The following ARHGEF7 variants were observed in gnomAD, a reference collection of about 807,000 sequenced individuals.
The protein encoded by ARHGEF7 is PAK-interacting exchange factor beta.
A neutral mutation model predicts 109.8 loss-of-function variants in ARHGEF7; 33 were observed. That is an observed-to-expected ratio of 0.30 (90% CI 0.23 to 0.40). The LOEUF (loss-of-function observed/expected upper bound fraction) is 0.40, where lower values mean the gene tolerates loss of function less well. ARHGEF7 is among the 10% of genes least tolerant of loss of function. The pLI is 1.00. For synonymous variants in ARHGEF7, 458 were observed against 424.6 expected (o/e 1.08, Z -0.97); for missense variants, 938 against 1,098.5 (o/e 0.85, Z 2.07).
At chr13:111,165,534 C>T (rs988203665) in intron 2 of ARHGEF7, among the ~76,000 whole-genome samples, 9 of 152,142 alleles carry the variant, frequency 5.9e-5, no homozygotes, top group Admixed American at 4.6e-4. Context: ...TCTGTGTATT[C>T]TCTGCTACCC....
At chr13:111,160,382 A>G (rs2076652988) in intron 2 of ARHGEF7, among the ~76,000 whole-genome samples, 2 of 149,862 alleles carry the variant, frequency 1.3e-5, no homozygotes, top group African/African-American at 4.9e-5. Context: ...GTTTTTCTAT[A>G]TCTGTGAAGA....
intron 2 of ARHGEF7, among the ~76,000 whole-genome samples, chr13:111,164,239 G>A (rs1443565104): frequency 2.6e-5 from 4 of 152,224 alleles, no homozygotes; most frequent in East Asian, 1.9e-4. Flanking sequence ...GACTTGAAGT[G>A]GTTCAGAAGT....
At chr13:111,292,469 C>T in intron 19 of ARHGEF7, 175 bp downstream of exon 19, 1 of 1,441,534 alleles carries the variant, frequency 6.9e-7, no homozygotes, top group South Asian at 1.5e-5. Context: ...TCCCATTGTA[C>T]TTTGTGGAGG....
intron 4 of ARHGEF7, among the ~76,000 whole-genome samples, chr13:111,213,187 A>G (rs1024238292): frequency 6.6e-6 from 1 of 152,142 alleles, no homozygotes; most frequent in African/African-American, 2.4e-5. Flanking sequence ...CAAGATACTG[A>G]TGGGTGGTGC....
In ARHGEF7 at chr13:111,272,450, G is replaced by A. The variant is rs1446379995; in HGVS notation, c.1074-1364G>A. Among the ~76,000 whole-genome samples, 3 of 152,150 alleles carry A rather than the reference G, an allele frequency of 2.0e-5. No homozygotes were observed. Among genetic ancestry groups the A allele is most frequent in the Admixed American group, 2.0e-4 (3 of 15,278 alleles). On this transcript the variant is annotated intron_variant, in intron 9 of 21. Coordinates refer to ENST00000646102, the MANE Select transcript of ARHGEF7 (RefSeq NM_001354046.2). This position sits in a 1 kb window ranked among gnomAD's most constrained non-coding sequence, Gnocchi z 5.2. ...GGAAATTGGCTTGTTTCTCAGTTTT[G>A]CTGTTAGGATTTTCATGTTTATTTT...
At chr13:111,268,011 G>A (rs1386272377) in intron 9 of ARHGEF7, among the ~76,000 whole-genome samples, 2 of 152,154 alleles carry the variant, frequency 1.3e-5, no homozygotes, top group African/African-American at 2.4e-5. Flanking sequence ...ACATGAGTCC[G>A]AGTTACATCA....
At chr13:111,211,514 A>G (rs1476256403) in intron 4 of ARHGEF7, among the ~76,000 whole-genome samples, 2 of 152,202 alleles carry the variant, frequency 1.3e-5, no homozygotes, top group Non-Finnish European at 2.9e-5. Flanking sequence ...GTATTGGATT[A>G]ATTTTTCATT....
At chr13:111,186,027 T>C (rs1182937644) in intron 2 of ARHGEF7, among the ~76,000 whole-genome samples, 1 of 149,310 alleles carries the variant, frequency 6.7e-6, no homozygotes, top group Non-Finnish European at 1.5e-5. Flanking sequence ...GCCTGTAAGA[T>C]AAACTGGCAT....
chr13:111,295,154 A>T (rs954850731), intron 19 of ARHGEF7: 2 of 985,694 alleles, frequency 2.0e-6, no homozygotes, highest in Non-Finnish European at 2.4e-6. Context: ...ATTAAAAAAA[A>T]CCTGTTATGT....
intron 2 of ARHGEF7, among the ~76,000 whole-genome samples, chr13:111,173,767 T>C (rs1461243719): frequency 6.6e-6 from 1 of 151,648 alleles, no homozygotes; most frequent in Admixed American, 6.6e-5. Flanking sequence ...TGTCATTTGC[T>C]ACCTGCAGCA....
intron 18 of ARHGEF7, among the ~76,000 whole-genome samples, chr13:111,288,829 T>G (rs1406665713): frequency 1.3e-5 from 2 of 152,230 alleles, no homozygotes; most frequent in Non-Finnish European, 2.9e-5. Flanking sequence ...TGGTTTTTAT[T>G]TTGTTATTAT....
intron 1 of ARHGEF7, among the ~76,000 whole-genome samples, chr13:111,127,426 G>C (rs141042444): frequency 5.1e-4 from 77 of 152,108 alleles, no homozygotes; most frequent in African/African-American, 1.4e-3. Context: ...TAGGAGGGAG[G>C]ATTGCTTGAG....
chr13:111,158,674 C>T (rs2076527772), intron 2 of ARHGEF7, among the ~76,000 whole-genome samples: 1 of 152,182 alleles, frequency 6.6e-6, no homozygotes, highest in African/African-American at 2.4e-5. Flanking sequence ...GAAATGTAGA[C>T]CAGCTAGTCA....
chr13:111,227,014 C>G (rs1356978201), intron 5 of ARHGEF7, among the ~76,000 whole-genome samples: 1 of 152,140 alleles, frequency 6.6e-6, no homozygotes. Context: ...GTGGGAACAG[C>G]AAGAGAACTA....
intron 4 of ARHGEF7, among the ~76,000 whole-genome samples, chr13:111,213,332 C>G (rs1566840582): frequency 6.6e-6 from 1 of 152,164 alleles, no homozygotes; most frequent in Non-Finnish European, 1.5e-5. Context: ...TGTCTTCACT[C>G]CCCTCCAGTT....
chr13:111,302,880 G>C (rs562804365), intron 21 of ARHGEF7, 111 bp from the exon 22 acceptor site: 1 of 1,403,584 alleles, frequency 7.1e-7, no homozygotes, highest in East Asian at 2.3e-5. Context: ...GGCAGCTCAC[G>C]TGGGATTTCA....
At chr13:111,299,747 CTT>C (rs971853040) in intron 19 of ARHGEF7, among the ~76,000 whole-genome samples, 2 of 152,118 alleles carry the variant, frequency 1.3e-5, no homozygotes, top group African/African-American at 4.8e-5. Context: ...ATCTGACAAA[CTT>C]TTAGGAACAA....
At chr13:111,183,171 C>T (rs915962779) in intron 2 of ARHGEF7, among the ~76,000 whole-genome samples, 2 of 152,212 alleles carry the variant, frequency 1.3e-5, no homozygotes, top group Admixed American at 1.3e-4. Flanking sequence ...AGGCAGATTA[C>T]TAGCAGTCAC....
At chr13:111,283,869 AATC>A (rs2092904808) in intron 16 of ARHGEF7, among the ~76,000 whole-genome samples, 1 of 152,162 alleles carries the variant, frequency 6.6e-6, no homozygotes, top group South Asian at 2.1e-4. Flanking sequence ...ATGCATAAGA[AATC>A]ATGATGCGGT....
Sources: allele counts gnomAD v4.1 joint callset (sites outside exome capture counted in the v4.1 genomes callset), GRCh38; gene constraint gnomAD v4.1.1; non-coding constraint Gnocchi (gnomAD v3.1); transcripts MANE v1.5; gene names NCBI Gene and HGNC (gene_info 2026-07-23, HGNC 2026-07-21).